DNAI7: variants seen among roughly 807,000 people sequenced by gnomAD.
DNAI7 encodes dynein axonemal intermediate chain 7.
A neutral mutation model predicts 86.6 loss-of-function variants in DNAI7; 78 were observed. That is an observed-to-expected ratio of 0.90 (90% confidence interval 0.75 to 1.09). The LOEUF is 1.09. DNAI7 is among the 50% of genes least tolerant of loss of function. DNAI7 has a pLI of 0.00. For missense variants in DNAI7, 753 were observed against 810.2 expected (o/e 0.93, Z 0.86); for synonymous variants, 274 against 273.0 (o/e 1.00, Z -0.04).
chr12:25,174,530 A>C (rs1416162635), intron 2 of DNAI7, among the ~76,000 whole-genome samples: 5 of 116,514 alleles, frequency 4.3e-5, no homozygotes, highest in Non-Finnish European at 7.1e-5. Flanking sequence ...CATATATATC[A>C]TATATATGGG....
chr12:25,130,372 C>A (rs1018129933), intron 9 of DNAI7, among the ~76,000 whole-genome samples: 1 of 151,146 alleles, frequency 6.6e-6, no homozygotes, highest in Non-Finnish European at 1.5e-5. Flanking sequence ...CCCGTCTGTA[C>A]TAAAAATACA....
At chr12:25,110,317 C>A in intron 14 of DNAI7, 77 bp from the exon 15 acceptor site, 1 of 788,738 alleles carries the variant, frequency 1.3e-6, no homozygotes, top group South Asian at 1.5e-5. Context: ...CTCCTTCAGT[C>A]TATTTTCAAC....
chr12:25,115,705 T>C (rs986120824), intron 12 of DNAI7, among the ~76,000 whole-genome samples: 3 of 152,236 alleles, frequency 2.0e-5, no homozygotes, highest in Admixed American at 6.5e-5. Flanking sequence ...AAACCTCATA[T>C]AGTGCTGGCA....
At chr12:25,176,274 G>C (rs775127792) in intron 2 of DNAI7, among the ~76,000 whole-genome samples, 4 of 151,730 alleles carry the variant, frequency 2.6e-5, no homozygotes, top group Non-Finnish European at 5.9e-5. Flanking sequence ...TTTTATATTT[G>C]TTATAAAAAT....
rs368270776 is a variant in DNAI7, at chr12:25,147,107, G to A, written c.586-3C>T. ...AGATCTGCCAAAGTACTAGCTTGCT[G>A]TAAGAGAAAAAGAAAACATTATAAA... On this transcript the variant is annotated splice_polypyrimidine_tract_variant and splice_region_variant and intron_variant, in intron 7 of 15. Coordinates refer to ENST00000395987, the MANE Select transcript of DNAI7 (RefSeq NM_018272.5). 16 of 1,514,270 alleles carry A rather than the reference G, an allele frequency of 1.1e-5. No individual in the cohort carries two copies. The highest frequency in any genetic ancestry group is 1.5e-5 in the Non-Finnish European group (16 of 1,093,186). 93.8% of individuals were successfully genotyped at this position (1,514,270 alleles called of 1,614,324 possible).
intron 2 of DNAI7, 143 bp from the exon 3 acceptor site, chr12:25,161,340 T>C (rs1946819015): frequency 1.4e-6 from 1 of 710,554 alleles, no homozygotes; most frequent in South Asian, 1.6e-5. Context: ...TAAGACTGCC[T>C]CTTAGTGTAA....
At chr12:25,174,013 G>C (rs1465873230) in intron 2 of DNAI7, among the ~76,000 whole-genome samples, 2 of 146,322 alleles carry the variant, frequency 1.4e-5, no homozygotes, top group South Asian at 2.1e-4. Flanking sequence ...CATATACATG[G>C]AATACATATC....
chr12:25,137,206 A>C (rs1943651548), intron 9 of DNAI7, among the ~76,000 whole-genome samples: 1 of 152,144 alleles, frequency 6.6e-6, no homozygotes, highest in Non-Finnish European at 1.5e-5. Context: ...CTTACATGCT[A>C]GAAGGGATTG....
intron 6 of DNAI7, among the ~76,000 whole-genome samples, chr12:25,153,062 T>C (rs1945748318): frequency 6.6e-6 from 1 of 152,178 alleles, no homozygotes. Flanking sequence ...TCAACTGCTC[T>C]TTCATATTTT....
intron 1 of DNAI7, 146 bp from the exon 2 acceptor site, chr12:25,190,777 C>G (rs1950447473): frequency 2.5e-6 from 1 of 402,692 alleles, no homozygotes; most frequent in East Asian, 3.7e-5. Context: ...ACTTTCCTTG[C>G]AAATCTAAAA....
At chr12:25,129,017 A>G (rs1320791600) in intron 9 of DNAI7, among the ~76,000 whole-genome samples, 1 of 152,112 alleles carries the variant, frequency 6.6e-6, no homozygotes, top group African/African-American at 2.4e-5. Context: ...TTCCAACTTT[A>G]TTACATACCA....
rs1944573383 is a variant in DNAI7 at position 25,144,451 on chromosome 12, A to G, written c.916T>C (p.Ser306Pro). Reference sequence around the variant, plus strand: ...TGAGACCCTCTTTCTTGTTGTTTGGACTCTTCTTCGACCTCCTTGCTGATT... The same window carrying G: ...TGAGACCCTCTTTCTTGTTGTTTGGGCTCTTCTTCGACCTCCTTGCTGATT... ...KAISKEVEEE[S>P]KQQERGSHLI... is the part of the protein sequence containing the mutation. Residue 306 changes from serine to proline, a missense_variant, in exon 9 of 16, where the codon TCC becomes CCC. Ser to Pro is a moderately conservative substitution (Grantham distance 74, BLOSUM62 -1). Coordinates refer to ENST00000395987, the MANE Select transcript of DNAI7 (RefSeq NM_018272.5). 5 of 1,613,604 alleles carry G rather than the reference A, an allele frequency of 3.1e-6. No individual in the cohort carries two copies. The highest frequency in any genetic ancestry group is 4.2e-6 in the Non-Finnish European group (5 of 1,179,880).
At chr12:25,160,992 T>C (rs1477257118) in intron 3 of DNAI7, 121 bp downstream of exon 3, 1 of 694,370 alleles carries the variant, frequency 1.4e-6, no homozygotes, top group Non-Finnish European at 2.5e-6. Context: ...AGATACCTAT[T>C]ATAAAACAGA....
chr12:25,109,310 G>A (rs1179682821), intron 15 of DNAI7, among the ~76,000 whole-genome samples: 1 of 152,196 alleles, frequency 6.6e-6, no homozygotes, highest in African/African-American at 2.4e-5. Flanking sequence ...AAGGTATCAG[G>A]AAGTTAAGTT....
chr12:25,135,034 GA>G (rs1943379160), intron 9 of DNAI7, among the ~76,000 whole-genome samples: 2 of 152,154 alleles, frequency 1.3e-5, no homozygotes, highest in South Asian at 2.1e-4. Context: ...CTCACATCAT[GA>G]ACTTTTGCTC....
intron 9 of DNAI7, among the ~76,000 whole-genome samples, chr12:25,134,352 CTTT>C (rs5797119): frequency 7.7e-5 from 7 of 91,178 alleles, no homozygotes; most frequent in Non-Finnish European, 1.4e-4. Flanking sequence ...CCTTGGCGTA[CTTT>C]TTTTTTTTTT....
intron 9 of DNAI7, among the ~76,000 whole-genome samples, chr12:25,129,041 C>T (rs1264782953): frequency 6.6e-6 from 1 of 152,168 alleles, no homozygotes; most frequent in East Asian, 1.9e-4. Context: ...TGCTTCTTGC[C>T]CATCATACAT....
intron 2 of DNAI7, among the ~76,000 whole-genome samples, chr12:25,180,548 G>C (rs916390911): frequency 4.6e-5 from 7 of 152,130 alleles, no homozygotes; most frequent in African/African-American, 1.7e-4. Flanking sequence ...TATACTACAG[G>C]CTGTAGCAAC....
chr12:25,151,729 G>A (rs576801706), intron 6 of DNAI7, among the ~76,000 whole-genome samples: 3 of 152,304 alleles, frequency 2.0e-5, no homozygotes, highest in South Asian at 2.1e-4. Flanking sequence ...CAGACTGCAC[G>A]GGAGACTCCT....
Sources: allele counts gnomAD v4.1 joint callset (sites outside exome capture counted in the v4.1 genomes callset), GRCh38; gene constraint gnomAD v4.1.1; transcripts MANE v1.5; gene names NCBI Gene and HGNC (gene_info 2026-07-23, HGNC 2026-07-21).